Variants in KCNQ1OT1 observed in about 807,000 individuals in gnomAD.
The protein encoded by KCNQ1OT1 is KCNQ1 opposite strand/antisense transcript 1, also known as KCNQ1 antisense RNA 2 (non-protein coding).
exon 1 of KCNQ1OT1, chr11:2,625,925 G>A (rs1849254560): frequency 2.5e-6 from 1 of 398,406 alleles, no homozygotes; most frequent in African/African-American, 2.1e-5. Context: ...GAAGTTCTCT[G>A]TATAATCTGG....
In KCNQ1OT1 at chr11:2,645,138, A is replaced by G. The variant is rs1849647301; in HGVS notation, n.54857T>C. 5.0e-6 allele frequency: 2 copies of G among 398,684 alleles called. No homozygotes were observed. Among genetic ancestry groups the G allele is most frequent in the Non-Finnish European group, 8.8e-6 (2 of 226,112 alleles). The allele number at this position is 398,684 out of a possible 1,614,324, so 24.7% of individuals were successfully genotyped here. On this transcript the variant is annotated non_coding_transcript_exon_variant, in exon 1 of 1. Coordinates refer to ENST00000597346, the Ensembl canonical transcript of KCNQ1OT1. This position sits in a 1 kb window ranked among gnomAD's most constrained non-coding sequence, Gnocchi z 5.8. ...CTTGGGCAATGGCAGTAGCAGTGGCAGAACAATCTTCTGCCTCCCAAGGTG... is the reference window on the plus strand; with the variant it reads ...CTTGGGCAATGGCAGTAGCAGTGGCGGAACAATCTTCTGCCTCCCAAGGTG...
exon 1 of KCNQ1OT1, chr11:2,650,521 A>G (rs1188229295): frequency 1.3e-5 from 5 of 398,556 alleles, no homozygotes; most frequent in Non-Finnish European, 1.8e-5. Flanking sequence ...ACTATAATCC[A>G]CATCAGTGGT....
In KCNQ1OT1 at chr11:2,621,987, T is replaced by A. The variant is rs1024837185; in HGVS notation, n.78008A>T. On this transcript the variant is annotated non_coding_transcript_exon_variant, in exon 1 of 1. Coordinates refer to ENST00000597346, the Ensembl canonical transcript of KCNQ1OT1. The surrounding 1 kb of genome is among the most constrained non-coding windows in gnomAD (Gnocchi z 5.7). The stretch of plus-strand genomic sequence containing the variant: ...GCTATTTGAAATATCTCTTCTTTTT[T>A]AATGTAGGCAAGGCATTTATTGCTG... The A allele has an allele frequency of 1.8e-5, 7 of 398,286 alleles. No individual in the cohort carries two copies. The highest frequency in any genetic ancestry group is 3.1e-5 in the Non-Finnish European group (7 of 225,976). 24.7% of individuals were successfully genotyped at this position (398,286 alleles called of 1,614,324 possible).
In KCNQ1OT1 at chr11:2,670,745, G is replaced by T; in HGVS notation, n.29250C>A. ...GGGAACAGTCTGCAGATATTATCTG[G>T]GCACTGGCCAGTGGCTCTTGTGGCT... On this transcript the variant is annotated non_coding_transcript_exon_variant, in exon 1 of 1. Coordinates refer to ENST00000597346, the Ensembl canonical transcript of KCNQ1OT1. The surrounding 1 kb of genome is among the most constrained non-coding windows in gnomAD (Gnocchi z 4.9). The T allele has an allele frequency of 2.5e-6, 1 of 398,592 alleles. No homozygotes were observed. Among genetic ancestry groups the T allele is most frequent in the Non-Finnish European group, 4.4e-6 (1 of 226,080 alleles). 24.7% of individuals were successfully genotyped at this position (398,592 alleles called of 1,614,324 possible).
chr11:2,618,165 G>T (rs540710884), exon 1 of KCNQ1OT1: 1 of 398,368 alleles, frequency 2.5e-6, no homozygotes, highest in Admixed American at 4.4e-5. Flanking sequence ...CTTATGTTTA[G>T]GTCTTTTATC....
rs1203799919 is a variant in KCNQ1OT1, at chr11:2,673,269, C to T, written n.26726G>A. ...GGTGATGCAGACTGCAAAGCCTCAG[C>T]CACCTTCTCCCCTAGAAGAAATCTT... On this transcript the variant is annotated non_coding_transcript_exon_variant, in exon 1 of 1. Coordinates refer to ENST00000597346, the Ensembl canonical transcript of KCNQ1OT1. The surrounding 1 kb of genome is among the most constrained non-coding windows in gnomAD (Gnocchi z 4.5). The T allele has an allele frequency of 2.5e-6, 1 of 398,720 alleles. No homozygotes were observed. The highest frequency in any genetic ancestry group is 4.4e-6 in the Non-Finnish European group (1 of 226,096). The allele number at this position is 398,720 out of a possible 1,614,324, so 24.7% of individuals were successfully genotyped here.
exon 1 of KCNQ1OT1, chr11:2,618,448 A>ATGAGAGAG: frequency 2.5e-6 from 1 of 398,594 alleles, no homozygotes; most frequent in Non-Finnish European, 4.4e-6. Flanking sequence ...AACGTCATTT[A>ATGAGAGAG]TGAGAGAGAC....
chr11:2,621,953 C>T lies in KCNQ1OT1; in HGVS notation n.78042G>A, dbSNP rs928032019. 5 of 398,054 alleles carry T rather than the reference C, an allele frequency of 1.3e-5. No homozygotes were observed. Among genetic ancestry groups the T allele is most frequent in the African/African-American group, 8.2e-5 (4 of 48,546 alleles). The allele number at this position is 398,054 out of a possible 1,614,324, so 24.7% of individuals were successfully genotyped here. A position where few individuals can be genotyped will look rare whatever the true frequency, so the allele number is the denominator to read the frequency against. On this transcript the variant is annotated non_coding_transcript_exon_variant, in exon 1 of 1. Coordinates refer to ENST00000597346, the Ensembl canonical transcript of KCNQ1OT1. The surrounding 1 kb of genome is among the most constrained non-coding windows in gnomAD (Gnocchi z 5.7). ...CTTCTTTTTCTAATTCCTTGAGGTACAATTTTGGGCTATTTGAAATATCTC... is the reference window on the plus strand; with the variant it reads ...CTTCTTTTTCTAATTCCTTGAGGTATAATTTTGGGCTATTTGAAATATCTC...
chr11:2,655,103 A>C (rs1849821451), exon 1 of KCNQ1OT1: 1 of 398,592 alleles, frequency 2.5e-6, no homozygotes. Flanking sequence ...AATAAAATTC[A>C]AATCCCCCTA....
rs188109792 is a variant in KCNQ1OT1, at chr11:2,613,316, T to A, written n.86679A>T. ...ACTTCCATATCTCCAGAATTCCTTTTAAAATTTTTCTTAATCTGTCGCTTG... is the reference window on the plus strand; with the variant it reads ...ACTTCCATATCTCCAGAATTCCTTTAAAAATTTTTCTTAATCTGTCGCTTG... On this transcript the variant is annotated non_coding_transcript_exon_variant, in exon 1 of 1. Transcript: ENST00000597346. The surrounding 1 kb of genome is among the most constrained non-coding windows in gnomAD (Gnocchi z 4.8). 4.3e-5 allele frequency: 17 copies of A among 398,612 alleles called. No homozygotes were observed. In the East Asian group the frequency reaches 6.1e-4, roughly 14 times the overall value. 24.7% of individuals were successfully genotyped at this position (398,612 alleles called of 1,614,324 possible). A position where few individuals can be genotyped will look rare whatever the true frequency, so the allele number is the denominator to read the frequency against.
At position 2,663,202 on chromosome 11, in the gene KCNQ1OT1, A is replaced by G. The variant is rs115005980; in HGVS notation, n.36793T>C. ...AGGTTGGCAGTACCTCATGGTGGGT[A>G]GGGTGTGAAGAGGCTCCAAGGGAGC... On this transcript the variant is annotated non_coding_transcript_exon_variant, in exon 1 of 1. Coordinates refer to ENST00000597346, the Ensembl canonical transcript of KCNQ1OT1. This position sits in a 1 kb window ranked among gnomAD's most constrained non-coding sequence, Gnocchi z 5.2. 1.3e-3 allele frequency: 521 copies of G among 398,716 alleles called. 4 individuals are homozygous for G. Among genetic ancestry groups the G allele is most frequent in the African/African-American group, 8.4e-3 (410 of 48,738 alleles). 24.7% of individuals were successfully genotyped at this position (398,716 alleles called of 1,614,324 possible). A position where few individuals can be genotyped will look rare whatever the true frequency, so the allele number is the denominator to read the frequency against.
At position 2,683,900 on chromosome 11, in the gene KCNQ1OT1, C is replaced by A; in HGVS notation, n.16095G>T. ...TCCAAATCATAAATGCAAAAGATGGCCAAAGGTGCATGCTCTGTGACACGT... is the reference window on the plus strand; with the variant it reads ...TCCAAATCATAAATGCAAAAGATGGACAAAGGTGCATGCTCTGTGACACGT... On this transcript the variant is annotated non_coding_transcript_exon_variant, in exon 1 of 1. Transcript: ENST00000597346. This position sits in a 1 kb window ranked among gnomAD's most constrained non-coding sequence, Gnocchi z 4.7. 2.5e-6 allele frequency: 1 copy of A among 398,534 alleles called. No homozygotes were observed. Among genetic ancestry groups the A allele is most frequent in the Non-Finnish European group, 4.4e-6 (1 of 226,058 alleles). 24.7% of individuals were successfully genotyped at this position (398,534 alleles called of 1,614,324 possible). A position where few individuals can be genotyped will look rare whatever the true frequency, so the allele number is the denominator to read the frequency against.
At chr11:2,629,412 T>G (rs979450566) in exon 1 of KCNQ1OT1, 1 of 398,388 alleles carries the variant, frequency 2.5e-6, no homozygotes, top group Non-Finnish European at 4.4e-6. Flanking sequence ...CCAAATCCAA[T>G]GTCATGCAGT....
At position 2,651,113 on chromosome 11, in the gene KCNQ1OT1, C is replaced by G. The variant is rs79220673; in HGVS notation, n.48882G>C. 2,605 of 398,682 alleles carry G rather than the reference C, an allele frequency of 6.5e-3. 23 individuals are homozygous for G. The highest frequency in any genetic ancestry group is 0.014 in the Middle Eastern group (22 of 1,588). 24.7% of individuals were successfully genotyped at this position (398,682 alleles called of 1,614,324 possible). A position where few individuals can be genotyped will look rare whatever the true frequency, so the allele number is the denominator to read the frequency against. ...GATTTCCACTCTTGCTTCCTGTACT[C>G]CATTCTTCACATAACAGCTCAAGGG... On this transcript the variant is annotated non_coding_transcript_exon_variant, in exon 1 of 1. Coordinates refer to ENST00000597346, the Ensembl canonical transcript of KCNQ1OT1. This position sits in a 1 kb window ranked among gnomAD's most constrained non-coding sequence, Gnocchi z 6.1.
In KCNQ1OT1 at chr11:2,683,482, A is replaced by G; in HGVS notation, n.16513T>C. On this transcript the variant is annotated non_coding_transcript_exon_variant, in exon 1 of 1. Coordinates refer to ENST00000597346, the Ensembl canonical transcript of KCNQ1OT1. The surrounding 1 kb of genome is among the most constrained non-coding windows in gnomAD (Gnocchi z 4.7). ...TGATTCCATCAATGACAGTTTTCCT[A>G]TTAAAACATAACTTGTTAAAGCATA... The G allele has an allele frequency of 2.5e-6, 1 of 398,656 alleles. No individual in the cohort carries two copies. Among genetic ancestry groups the G allele is most frequent in the Non-Finnish European group, 4.4e-6 (1 of 226,060 alleles). The allele number at this position is 398,656 out of a possible 1,614,324, so 24.7% of individuals were successfully genotyped here.
exon 1 of KCNQ1OT1, chr11:2,644,621 A>G (rs1463002229): frequency 2.5e-6 from 1 of 398,302 alleles, no homozygotes; most frequent in Non-Finnish European, 4.4e-6. Context: ...TTGCCTTTTC[A>G]TGTTTCTTGT....
In KCNQ1OT1 at chr11:2,671,601, C is replaced by T; in HGVS notation, n.28394G>A. On this transcript the variant is annotated non_coding_transcript_exon_variant, in exon 1 of 1. Transcript: ENST00000597346. This position sits in a 1 kb window ranked among gnomAD's most constrained non-coding sequence, Gnocchi z 4.7. ...ATTTATACAAGATCAGACTGCACTG[C>T]ACCCTAAGTATAAACCTTGCCACAG... The T allele has an allele frequency of 2.5e-6, 1 of 398,664 alleles. No homozygotes were observed. 24.7% of individuals were successfully genotyped at this position (398,664 alleles called of 1,614,324 possible).
At position 2,691,933 on chromosome 11, in the gene KCNQ1OT1, T is replaced by A; in HGVS notation, n.8062A>T. ...CTCAGTCTCCTTGGCAGGTTTTCCCTTCTGGCATGGCCACTAAATGCCAGT... is the reference window on the plus strand; with the variant it reads ...CTCAGTCTCCTTGGCAGGTTTTCCCATCTGGCATGGCCACTAAATGCCAGT... On this transcript the variant is annotated non_coding_transcript_exon_variant, in exon 1 of 1. Transcript: ENST00000597346. The surrounding 1 kb of genome is among the most constrained non-coding windows in gnomAD (Gnocchi z 6.4). The A allele has an allele frequency of 2.5e-6, 1 of 398,728 alleles. No homozygotes were observed. Among genetic ancestry groups the A allele is most frequent in the Non-Finnish European group, 4.4e-6 (1 of 226,158 alleles). The allele number at this position is 398,728 out of a possible 1,614,324, so 24.7% of individuals were successfully genotyped here.
rs1850224030 is a variant in KCNQ1OT1 at position 2,673,428 on chromosome 11, GT to G, written n.26566del. ...TTCTGCCTAGGCACCAGGCCTGGAG[GT>G]TCCAACTTGGTGTTGGGCCTCCTTG... On this transcript the variant is annotated non_coding_transcript_exon_variant, in exon 1 of 1. Coordinates refer to ENST00000597346, the Ensembl canonical transcript of KCNQ1OT1. The surrounding 1 kb of genome is among the most constrained non-coding windows in gnomAD (Gnocchi z 4.5). The G allele has an allele frequency of 2.5e-6, 1 of 398,574 alleles. No individual in the cohort carries two copies. The highest frequency in any genetic ancestry group is 2.1e-5 in the African/African-American group (1 of 48,646). The allele number at this position is 398,574 out of a possible 1,614,324, so 24.7% of individuals were successfully genotyped here.
Sources: allele counts gnomAD v4.1 joint callset, GRCh38; gene constraint gnomAD v4.1.1; non-coding constraint Gnocchi (gnomAD v3.1); transcripts MANE v1.5; gene names NCBI Gene and HGNC (gene_info 2026-07-23, HGNC 2026-07-21).